The following NAALADL2 variants were observed in gnomAD, a reference collection of about 807,000 sequenced individuals.
NAALADL2 encodes inactive N-acetylated-alpha-linked acidic dipeptidase-like protein 2.
In NAALADL2, 76 loss-of-function variants were observed where a neutral mutation model predicts 87.2. That is an observed-to-expected ratio of 0.87 (90% CI 0.72 to 1.05). The LOEUF is 1.05. NAALADL2 is among the 50% of genes least tolerant of loss of function. The probability of loss-of-function intolerance (pLI) is 0.00; values close to 1 mark genes in which losing one functional copy is unlikely to be tolerated. For missense variants in NAALADL2, 1,089 were observed against 945.8 expected, an observed-to-expected ratio of 1.15 and a Z score of -1.99; for synonymous variants, 354 against 331.0, an observed-to-expected ratio of 1.07 and a Z score of -0.75.
chr3:175,036,146 AT>A (rs1401504193), intron 1 of NAALADL2, among the ~76,000 whole-genome samples: 1 of 152,106 alleles, frequency 6.6e-6, no homozygotes, highest in African/African-American at 2.4e-5. Context: ...TAGAATCAAA[AT>A]GTCACTAAAA....
At chr3:175,425,969 G>C (rs1187066878) in intron 5 of NAALADL2, among the ~76,000 whole-genome samples, 1 of 152,188 alleles carries the variant, frequency 6.6e-6, no homozygotes, top group Non-Finnish European at 1.5e-5. Flanking sequence ...GACAACCTCA[G>C]ATTTTTATTT....
At chr3:174,485,908 G>A (rs1717829339) in intron 1 of NAALADL2, among the ~76,000 whole-genome samples, 1 of 152,008 alleles carries the variant, frequency 6.6e-6, no homozygotes, top group South Asian at 2.1e-4. Context: ...GTTGATTTTT[G>A]TATATGATTT....
chr3:175,323,673 G>A (rs1183597171), intron 4 of NAALADL2, among the ~76,000 whole-genome samples: 2 of 151,060 alleles, frequency 1.3e-5, no homozygotes, highest in South Asian at 2.1e-4. Flanking sequence ...AAAAAAAAAG[G>A]CCAGTAGAAA....
chr3:175,799,238 CTG>C (rs1044539901), intron 13 of NAALADL2, among the ~76,000 whole-genome samples: 21 of 145,914 alleles, frequency 1.4e-4, no homozygotes, highest in African/African-American at 2.9e-4. Context: ...GAATTCAAAA[CTG>C]TAAATATTAT....
intron 2 of NAALADL2, among the ~76,000 whole-genome samples, chr3:174,607,409 A>G (rs1719221218): frequency 6.6e-6 from 1 of 151,214 alleles, no homozygotes; most frequent in African/African-American, 2.4e-5. Flanking sequence ...AGTGTGCTGT[A>G]TTCAGGAAAC....
intron 4 of NAALADL2, among the ~76,000 whole-genome samples, chr3:175,310,095 A>G (rs1205938399): frequency 1.3e-5 from 2 of 152,230 alleles, no homozygotes; most frequent in African/African-American, 2.4e-5. Context: ...AGTTTTTATG[A>G]TAAAATTTCC....
At chr3:174,938,597 C>T (rs1278451288) in intron 1 of NAALADL2, among the ~76,000 whole-genome samples, 1 of 152,070 alleles carries the variant, frequency 6.6e-6, no homozygotes, top group African/African-American at 2.4e-5. Flanking sequence ...TGAGGAATCA[C>T]CATACTGTTT....
At chr3:174,898,935 G>T (rs895117755) in intron 1 of NAALADL2, among the ~76,000 whole-genome samples, 4 of 152,202 alleles carry the variant, frequency 2.6e-5, no homozygotes, top group Non-Finnish European at 4.4e-5. Flanking sequence ...AGTTGCATGG[G>T]TGTTCACTTG....
intron 2 of NAALADL2, among the ~76,000 whole-genome samples, chr3:175,225,170 G>A (rs1743976172): frequency 6.6e-6 from 1 of 152,108 alleles, no homozygotes; most frequent in Non-Finnish European, 1.5e-5. Context: ...CATTGTCGCA[G>A]AGAGATGACA....
rs369874101 is a variant in NAALADL2, at chr3:175,174,739, CAA to C, written c.546-59191_546-59190del. Among the ~76,000 whole-genome samples the C allele has an allele frequency of 4.2e-3, 638 of 151,686 alleles. 4 individuals carry two copies. The highest frequency in any genetic ancestry group is 0.014 in the African/African-American group (597 of 41,408). ...TGTGTTTGAAAACCATGATATAACC[CAA>C]GAGTTTATATAAACATATATGCTAT... On this transcript the variant is annotated intron_variant, in intron 2 of 13. Transcript: ENST00000454872.
At chr3:175,367,111 TA>T (rs1246318485) in intron 5 of NAALADL2, among the ~76,000 whole-genome samples, 2 of 151,128 alleles carry the variant, frequency 1.3e-5, no homozygotes, top group Admixed American at 1.3e-4. Context: ...ATTTATTAAA[TA>T]GGGAATCCTT....
At chr3:175,282,334 C>G (rs1377691408) in intron 4 of NAALADL2, among the ~76,000 whole-genome samples, 4 of 151,946 alleles carry the variant, frequency 2.6e-5, no homozygotes, top group African/African-American at 7.2e-5. Context: ...AGAAAATTTT[C>G]AATTCTTTGT....
At chr3:175,190,659 A>G (rs923333470) in intron 2 of NAALADL2, among the ~76,000 whole-genome samples, 2 of 152,138 alleles carry the variant, frequency 1.3e-5, no homozygotes, top group Non-Finnish European at 2.9e-5. Context: ...AGAAAATAAA[A>G]AGATGTGGGT....
At chr3:175,705,455 G>A (rs1254490359) in intron 11 of NAALADL2, among the ~76,000 whole-genome samples, 2 of 151,678 alleles carry the variant, frequency 1.3e-5, no homozygotes, top group Non-Finnish European at 1.5e-5. Context: ...TTTGAGAGGT[G>A]TCCCAATTAC....
intron 2 of NAALADL2, among the ~76,000 whole-genome samples, chr3:175,153,256 C>T (rs191875309): frequency 9.7e-4 from 148 of 152,236 alleles, no homozygotes; most frequent in African/African-American, 3.4e-3. Flanking sequence ...TAAAAGCCTG[C>T]TCCTCCCAGT....
intron 3 of NAALADL2, among the ~76,000 whole-genome samples, chr3:175,249,792 A>G (rs79912408): frequency 0.029 from 4,421 of 152,192 alleles, 198 homozygotes; most frequent in African/African-American, 0.1. Context: ...TAGACCCTCT[A>G]GTGTGACTAT....
chr3:174,932,676 CAT>C (rs781682744), intron 1 of NAALADL2, among the ~76,000 whole-genome samples: 6 of 152,124 alleles, frequency 3.9e-5, no homozygotes, highest in Non-Finnish European at 8.8e-5. Flanking sequence ...AAAAAAATAC[CAT>C]ATAGAGTTCT....
intron 1 of NAALADL2, among the ~76,000 whole-genome samples, chr3:174,898,947 C>T (rs953565845): frequency 6.6e-6 from 1 of 152,114 alleles, no homozygotes; most frequent in African/African-American, 2.4e-5. Context: ...GTTCACTTGT[C>T]ATTAATCATT....
intron 1 of NAALADL2, among the ~76,000 whole-genome samples, chr3:175,017,098 C>T (rs1750922745): frequency 6.6e-6 from 1 of 151,878 alleles, no homozygotes. Context: ...AACTAGTTAC[C>T]CATAGAATGG....
Sources: allele counts gnomAD v4.1 joint callset (sites outside exome capture counted in the v4.1 genomes callset), GRCh38; gene constraint gnomAD v4.1.1; transcripts MANE v1.5; gene names NCBI Gene and HGNC (gene_info 2026-07-23, HGNC 2026-07-21).